Variants in ESRRB observed in about 807,000 individuals in gnomAD.
The protein encoded by ESRRB is steroid hormone receptor ERR2.
Under a neutral mutation model 46.0 loss-of-function variants are expected in ESRRB, and 16 were observed. That is an observed-to-expected ratio of 0.35 (90% confidence interval 0.24 to 0.53). The LOEUF (loss-of-function observed/expected upper bound fraction) is 0.53. Among genes scored for constraint, ESRRB ranks in the 20% least tolerant of loss-of-function variants. The probability of loss-of-function intolerance (pLI) is 0.93; values close to 1 mark genes in which losing one functional copy is unlikely to be tolerated. For missense variants in ESRRB, 488 were observed against 607.4 expected, an observed-to-expected ratio of 0.80 and a Z score of 2.07; for synonymous variants, 246 against 259.6, an observed-to-expected ratio of 0.95 and a Z score of 0.50.
chr14:76,451,686 G>A (rs1163192948), intron 2 of ESRRB, among the ~76,000 whole-genome samples: 2 of 150,240 alleles, frequency 1.3e-5, no homozygotes, highest in Non-Finnish European at 3.0e-5. Flanking sequence ...GAGTGCAGTG[G>A]TGCAATCTCG....
At chr14:76,426,553 T>C (rs1192660191) in intron 1 of ESRRB, among the ~76,000 whole-genome samples, 1 of 152,210 alleles carries the variant, frequency 6.6e-6, no homozygotes, top group Non-Finnish European at 1.5e-5. Flanking sequence ...TAAATTAAAC[T>C]AAGACATGCC....
At chr14:76,361,920 A>G (rs1884469409) in intron 1 of ESRRB, among the ~76,000 whole-genome samples, 1 of 152,188 alleles carries the variant, frequency 6.6e-6, no homozygotes, top group African/African-American at 2.4e-5. Flanking sequence ...TGGGGATGAG[A>G]TGGAGCAGAG....
At chr14:76,493,567 A>G (rs138349464) in intron 6 of ESRRB, among the ~76,000 whole-genome samples, 3 of 152,254 alleles carry the variant, frequency 2.0e-5, no homozygotes, top group Non-Finnish European at 4.4e-5. Context: ...TATTAATGAT[A>G]GAGGATACAA....
At chr14:76,364,374 T>C (rs1884497229) in intron 1 of ESRRB, among the ~76,000 whole-genome samples, 2 of 152,014 alleles carry the variant, frequency 1.3e-5, no homozygotes, top group Admixed American at 1.3e-4. Flanking sequence ...ACTGATCTGT[T>C]TGGGGATGCA....
chr14:76,346,638 C>T (rs1884253855), intron 1 of ESRRB, among the ~76,000 whole-genome samples: 1 of 152,192 alleles, frequency 6.6e-6, no homozygotes, highest in Non-Finnish European at 1.5e-5. Context: ...ATCCCTCAGG[C>T]AGCCCGGCTG....
intron 1 of ESRRB, among the ~76,000 whole-genome samples, chr14:76,317,977 C>T (rs1221275927): frequency 6.6e-6 from 1 of 152,178 alleles, no homozygotes; most frequent in Non-Finnish European, 1.5e-5. Context: ...GCATCATTCT[C>T]CTTGGTTTGT....
chr14:76,458,869 G>A (rs1888734069), intron 2 of ESRRB, among the ~76,000 whole-genome samples: 1 of 133,782 alleles, frequency 7.5e-6, no homozygotes, highest in African/African-American at 2.9e-5. Flanking sequence ...TTTTGAGACA[G>A]AGTCTCGCTC....
chr14:76,326,334 G>A (rs979338601), intron 1 of ESRRB, among the ~76,000 whole-genome samples: 13 of 152,218 alleles, frequency 8.5e-5, no homozygotes, highest in African/African-American at 2.7e-4. Flanking sequence ...GGACAGCATA[G>A]GGGATGGTAA....
chr14:76,470,166 TCTTGAACTC>T (rs984094339), intron 3 of ESRRB, among the ~76,000 whole-genome samples: 44 of 152,066 alleles, frequency 2.9e-4, no homozygotes, highest in African/African-American at 9.9e-4. Context: ...CCCAGGCTAG[TCTTGAACTC>T]CTGACCTCAG....
chr14:76,498,993 A>C lies in ESRRB; in HGVS notation c.*535A>C. ...TCTGGGGCCGGTCAAGAGGCCCCAT[A>C]CCTTCCACAGTTTCCACTCAGCTTT... On this transcript the variant is annotated 3_prime_UTR_variant, in exon 7 of 7. Coordinates refer to ENST00000644823, the MANE Select transcript of ESRRB (RefSeq NM_001379180.1). The C allele has an allele frequency of 2.6e-6, 1 of 383,928 alleles. No homozygotes were observed. 23.8% of individuals were successfully genotyped at this position (383,928 alleles called of 1,614,324 possible).
At chr14:76,464,425 A>G (rs1889020459) in intron 3 of ESRRB, among the ~76,000 whole-genome samples, 1 of 152,184 alleles carries the variant, frequency 6.6e-6, no homozygotes, top group Non-Finnish European at 1.5e-5. Flanking sequence ...TCCGTTTACC[A>G]TTTCCAGGTC....
At chr14:76,334,959 C>T (rs1884109029) in intron 1 of ESRRB, among the ~76,000 whole-genome samples, 1 of 152,176 alleles carries the variant, frequency 6.6e-6, no homozygotes, top group Non-Finnish European at 1.5e-5. Context: ...CCCGAGGTGA[C>T]TCTTCATTCT....
intron 1 of ESRRB, among the ~76,000 whole-genome samples, chr14:76,357,918 GA>G (rs371646937): frequency 2.2e-4 from 34 of 152,278 alleles, no homozygotes; most frequent in African/African-American, 7.9e-4. Flanking sequence ...GTGCAGAAGG[GA>G]ATGAGCAACA....
At chr14:76,418,833 C>T (rs1198540638) in intron 1 of ESRRB, among the ~76,000 whole-genome samples, 1 of 152,108 alleles carries the variant, frequency 6.6e-6, no homozygotes, top group Non-Finnish European at 1.5e-5. Context: ...CCAGGCTGGT[C>T]TCAAACTCCT....
intron 3 of ESRRB, among the ~76,000 whole-genome samples, chr14:76,469,929 G>GTTTTTTTTTTTTTGTT (rs1889295075): frequency 1.3e-5 from 1 of 78,754 alleles, no homozygotes; most frequent in Non-Finnish European, 2.8e-5. Flanking sequence ...GTTTTTTGTT[G>GTTTTTTTTTTTTTGTT]TTTTTTTTTT....
At chr14:76,411,273 C>A (rs1013581555) in intron 1 of ESRRB, among the ~76,000 whole-genome samples, 11 of 151,764 alleles carry the variant, frequency 7.2e-5, no homozygotes, top group Non-Finnish European at 1.6e-4. Flanking sequence ...CATGGTGAAA[C>A]CCCATCTCTA....
At position 76,414,668 on chromosome 14, in the gene ESRRB, T is replaced by TAAAA. The variant is rs71452810; in HGVS notation, c.51-24651_51-24648dup. Reference sequence around the variant, plus strand: ...TCTGCTGCTGTTTTTGTTTGTTCCTTAAAAAAAAAAAAAAAAAAAAAAAAA... The same window carrying TAAAA: ...TCTGCTGCTGTTTTTGTTTGTTCCTTAAAAAAAAAAAAAAAAAAAAAAAAAAAAA... On this transcript the variant is annotated intron_variant, in intron 1 of 6. Transcript: ENST00000644823. Among the ~76,000 whole-genome samples, 745 of 116,756 alleles carry TAAAA rather than the reference T, an allele frequency of 6.4e-3. 3 individuals are homozygous for TAAAA. Among genetic ancestry groups the TAAAA allele is most frequent in the African/African-American group, 0.012 (397 of 33,184 alleles). 76.6% of individuals were successfully genotyped at this position (116,756 alleles called of 152,430 possible). A position where few individuals can be genotyped will look rare whatever the true frequency, so the allele number is the denominator to read the frequency against.
chr14:76,344,494 TC>T (rs1294819001), intron 1 of ESRRB, among the ~76,000 whole-genome samples: 5 of 151,930 alleles, frequency 3.3e-5, no homozygotes, highest in Non-Finnish European at 7.4e-5. Flanking sequence ...ATAGCTTAGA[TC>T]CCACATATCA....
upstream of ESRRB, among the ~76,000 whole-genome samples, chr14:76,369,051 G>T (rs4903405): frequency 6.6e-6 from 1 of 151,914 alleles, no homozygotes; most frequent in South Asian, 2.1e-4. Context: ...ACAAAAATTA[G>T]CTGGGTGCGG....
Sources: gnomAD v4.1 joint callset for allele counts (sites outside exome capture counted in the v4.1 genomes callset) on GRCh38, gnomAD v4.1.1 for gene constraint, MANE v1.5 for transcripts, NCBI Gene and HGNC (gene_info 2026-07-23, HGNC 2026-07-21) for gene names.